MAP2K5: variants seen among roughly 807,000 people sequenced by gnomAD.
MAP2K5 encodes dual specificity mitogen-activated protein kinase kinase 5.
Under a neutral mutation model 83.1 loss-of-function variants are expected in MAP2K5, and 49 were observed. The observed-to-expected ratio is 0.59, with a 90% CI of 0.47 to 0.75. The LOEUF (loss-of-function observed/expected upper bound fraction) is 0.75. MAP2K5 is among the 30% of genes least tolerant of loss of function. The pLI, the probability that MAP2K5 is intolerant of heterozygous loss-of-function variation, is 0.00. For missense variants in MAP2K5, 457 were observed against 557.5 expected (o/e 0.82, Z 1.82); for synonymous variants, 202 against 191.8 (o/e 1.05, Z -0.44).
intron 13 of MAP2K5, among the ~76,000 whole-genome samples, chr15:67,684,458 A>C (rs1567359112): frequency 1.3e-5 from 2 of 152,242 alleles, no homozygotes; most frequent in African/African-American, 4.8e-5. Flanking sequence ...TGTTCAGCAG[A>C]TATATTACTT....
intron 7 of MAP2K5, among the ~76,000 whole-genome samples, chr15:67,593,558 ATAG>A (rs2085460224): frequency 6.6e-6 from 1 of 152,238 alleles, no homozygotes; most frequent in African/African-American, 2.4e-5. Context: ...CACATCTGAA[ATAG>A]TAGAGTGCTT....
chr15:67,797,832 G>A lies in MAP2K5; in HGVS notation c.1243-8814G>A, dbSNP rs574253134. Among the ~76,000 whole-genome samples the A allele has an allele frequency of 4.2e-4, 64 of 152,144 alleles. No homozygotes were observed. In the South Asian group the frequency reaches 9.3e-3, roughly 22 times the overall value. ...GGAGTAGCTAGGATTACAGGCATGCGCCACCACACCTGGATAATTTTTGTA... is the reference window on the plus strand; with the variant it reads ...GGAGTAGCTAGGATTACAGGCATGCACCACCACACCTGGATAATTTTTGTA... On this transcript the variant is annotated intron_variant, in intron 21 of 21. Coordinates refer to ENST00000178640, the MANE Select transcript of MAP2K5 (RefSeq NM_145160.3).
intron 21 of MAP2K5, among the ~76,000 whole-genome samples, chr15:67,797,022 G>T (rs546243340): frequency 1.3e-5 from 2 of 152,324 alleles, no homozygotes; most frequent in Non-Finnish European, 2.9e-5. Context: ...CTGTTGCTCT[G>T]CTAGGTGACA....
intron 6 of MAP2K5, chr15:67,588,006 C>G (rs2085323179): frequency 1.4e-6 from 1 of 698,352 alleles, no homozygotes; most frequent in East Asian, 1.3e-4. Context: ...TTGGCCCATT[C>G]AGCCCCTCCT....
At chr15:67,588,210 C>A in intron 6 of MAP2K5, 1 of 440,384 alleles carries the variant, frequency 2.3e-6, no homozygotes, top group Non-Finnish European at 3.0e-6. Flanking sequence ...CCCCATCCCA[C>A]CTGACATTCC....
intron 16 of MAP2K5, among the ~76,000 whole-genome samples, chr15:67,718,449 TAACTC>T (rs1250035780): frequency 3.9e-5 from 6 of 152,256 alleles, no homozygotes; most frequent in Middle Eastern, 3.4e-3. Context: ...TTGGGGCAGT[TAACTC>T]TAATCATTTT....
At chr15:67,712,887 C>T (rs1044564270) in intron 16 of MAP2K5, among the ~76,000 whole-genome samples, 3 of 151,396 alleles carry the variant, frequency 2.0e-5, no homozygotes, top group East Asian at 1.9e-4. Context: ...CATTGCACTC[C>T]GCCTGGGCGA....
intron 17 of MAP2K5, among the ~76,000 whole-genome samples, chr15:67,739,870 AAT>A (rs2089454803): frequency 2.0e-5 from 3 of 152,190 alleles, no homozygotes; most frequent in Admixed American, 2.0e-4. Flanking sequence ...GCCACATCCA[AAT>A]ATATCATGGT....
intron 13 of MAP2K5, among the ~76,000 whole-genome samples, chr15:67,669,970 T>C (rs904486274): frequency 6.6e-6 from 1 of 152,148 alleles, no homozygotes; most frequent in Non-Finnish European, 1.5e-5. Flanking sequence ...GGAAAACATA[T>C]GTCCACACAA....
chr15:67,572,232 T>C lies in MAP2K5; in HGVS notation c.253-8522T>C, dbSNP rs1170465052. On this transcript the variant is annotated intron_variant, in intron 3 of 21. Coordinates refer to ENST00000178640, the MANE Select transcript of MAP2K5 (RefSeq NM_145160.3). The surrounding 1 kb of genome is among the most constrained non-coding windows in gnomAD (Gnocchi z 4.2). ...AGTAGGAGCTGCCTGTGATTCAGTC[T>C]GTATGGACAGTGACGGGGGAGAGGG... Among the ~76,000 whole-genome samples the C allele has an allele frequency of 2.6e-5, 4 of 152,072 alleles. No individual in the cohort carries two copies. The highest frequency in any genetic ancestry group is 2.4e-5 in the African/African-American group (1 of 41,380).
rs555631526 is a variant in MAP2K5, at chr15:67,730,111, G to A, written c.1074+2166G>A. Among the ~76,000 whole-genome samples the A allele has an allele frequency of 8.1e-4, 124 of 152,222 alleles. 1 individual carries two copies. The highest frequency in any genetic ancestry group is 3.5e-3 in the Admixed American group (53 of 15,280). ...TTTTCAACAGAAGTTGGGGTGCGTC[G>A]TTGCTAGAACCACTAATGACTTTTG... On this transcript the variant is annotated intron_variant, in intron 17 of 21. Coordinates refer to ENST00000178640, the MANE Select transcript of MAP2K5 (RefSeq NM_145160.3).
intron 13 of MAP2K5, among the ~76,000 whole-genome samples, chr15:67,678,285 A>G (rs935953002): frequency 6.6e-5 from 10 of 152,298 alleles, no homozygotes; most frequent in Admixed American, 4.6e-4. Flanking sequence ...GAGACCGGCT[A>G]ATGTGCCCTC....
In MAP2K5 at chr15:67,680,126, G is replaced by A. The variant is rs556937014; in HGVS notation, c.848-12353G>A. Among the ~76,000 whole-genome samples the A allele has an allele frequency of 3.9e-5, 6 of 152,288 alleles. No homozygotes were observed. In the South Asian group the frequency reaches 1.2e-3, roughly 32 times the overall value. On this transcript the variant is annotated intron_variant, in intron 13 of 21. Coordinates refer to ENST00000178640, the MANE Select transcript of MAP2K5 (RefSeq NM_145160.3). Reference sequence around the variant, plus strand: ...TCACTTAGCATGATGTTTTTGAGATGTGTCTGTATTATAGCATGTGTCTAT... The same window carrying A: ...TCACTTAGCATGATGTTTTTGAGATATGTCTGTATTATAGCATGTGTCTAT...
chr15:67,558,431 C>T (rs1040102925), intron 2 of MAP2K5, among the ~76,000 whole-genome samples: 1 of 152,242 alleles, frequency 6.6e-6, no homozygotes, highest in Non-Finnish European at 1.5e-5. Flanking sequence ...GGCCTCCAAA[C>T]TGGTCTCCCT....
At position 67,738,699 on chromosome 15, in the gene MAP2K5, ACACACAAC is replaced by A. The variant is rs1310384290; in HGVS notation, c.1075-9526_1075-9519del. The stretch of plus-strand genomic sequence containing the variant: ...TGGGGATCCACCCACATACACATGT[ACACACAAC>A]CACACGAGCAGCTCTGCTTCTATCT... On this transcript the variant is annotated intron_variant, in intron 17 of 21. Coordinates refer to ENST00000178640, the MANE Select transcript of MAP2K5 (RefSeq NM_145160.3). This position sits in a 1 kb window ranked among gnomAD's most constrained non-coding sequence, Gnocchi z 4.1. 1.3e-5 allele frequency among the ~76,000 whole-genome samples: 2 copies of A among 152,246 alleles called. No individual in the cohort carries two copies. The highest frequency in any genetic ancestry group is 2.9e-5 in the Non-Finnish European group (2 of 68,038).
chr15:67,629,523 G>A (rs1378345934), intron 8 of MAP2K5, among the ~76,000 whole-genome samples: 2 of 152,048 alleles, frequency 1.3e-5, no homozygotes, highest in Non-Finnish European at 2.9e-5. Flanking sequence ...AGAAAATGAT[G>A]TTTCCATGTT....
chr15:67,637,867 A>T lies in MAP2K5; in HGVS notation c.585+6940A>T, dbSNP rs2086636588. ...ATTTGTTTTCCATCTTTCAGGGATCACTGCCCCATTCTGGCTAATGTCCAA... is the reference window on the plus strand; with the variant it reads ...ATTTGTTTTCCATCTTTCAGGGATCTCTGCCCCATTCTGGCTAATGTCCAA... On this transcript the variant is annotated intron_variant, in intron 9 of 21. Coordinates refer to ENST00000178640, the MANE Select transcript of MAP2K5 (RefSeq NM_145160.3). This position sits in a 1 kb window ranked among gnomAD's most constrained non-coding sequence, Gnocchi z 4.5. 6.6e-6 allele frequency among the ~76,000 whole-genome samples: 1 copy of T among 151,578 alleles called. No individual in the cohort carries two copies. The highest frequency in any genetic ancestry group is 1.5e-5 in the Non-Finnish European group (1 of 67,930).
chr15:67,616,397 C>T (rs563016456), intron 8 of MAP2K5, among the ~76,000 whole-genome samples: 124 of 151,688 alleles, frequency 8.2e-4, no homozygotes, highest in Middle Eastern at 6.9e-3. Flanking sequence ...TGTCTTGTCT[C>T]GATCAAACTT....
Position 67,736,734 on chromosome 15 carries a change from A to G in MAP2K5, c.1074+8789A>G, listed in dbSNP as rs1186229554. Reference sequence around the variant, plus strand: ...TTTAAATAATCAATTTAGCCCCCAGAAATAGAATTGAAAGTTAATGAACTT... The same window carrying G: ...TTTAAATAATCAATTTAGCCCCCAGGAATAGAATTGAAAGTTAATGAACTT... On this transcript the variant is annotated intron_variant, in intron 17 of 21. Transcript: ENST00000178640. This position sits in a 1 kb window ranked among gnomAD's most constrained non-coding sequence, Gnocchi z 4.3. 6.6e-6 allele frequency among the ~76,000 whole-genome samples: 1 copy of G among 152,230 alleles called. No individual in the cohort carries two copies. Among genetic ancestry groups the G allele is most frequent in the African/African-American group, 2.4e-5 (1 of 41,452 alleles).
Sources: gnomAD v4.1 joint callset for allele counts (sites outside exome capture counted in the v4.1 genomes callset) on GRCh38, gnomAD v4.1.1 for gene constraint, Gnocchi (gnomAD v3.1) non-coding constraint, MANE v1.5 for transcripts, NCBI Gene and HGNC (gene_info 2026-07-23, HGNC 2026-07-21) for gene names.